DLG5: variants seen among roughly 807,000 people sequenced by gnomAD.
DLG5 encodes disks large homolog 5.
In DLG5, 48 loss-of-function variants were observed where a neutral mutation model predicts 189.8. The ratio of observed to expected loss-of-function variants is 0.25; its 90% CI spans 0.20 to 0.32. The LOEUF is 0.32. Among genes scored for constraint, DLG5 ranks in the 10% least tolerant of loss-of-function variants. The pLI, the probability that DLG5 is intolerant of heterozygous loss-of-function variation, is 1.00. For synonymous variants in DLG5, 1,016 were observed against 1,054.1 expected (o/e 0.96, Z 0.70); for missense variants, 2,160 against 2,544.7 (o/e 0.85, Z 3.25).
chr10:77,791,622 A>G lies in DLG5; in HGVS notation c.*818T>C, dbSNP rs1477985408. On this transcript the variant is annotated 3_prime_UTR_variant, in exon 32 of 32. Coordinates refer to ENST00000372391, the MANE Select transcript of DLG5 (RefSeq NM_004747.4). ...CTGTCACGACTTACAGAGCCTAAGGAGGACCCAATGGCAGGCATCAGCACA... is the reference window on the plus strand; with the variant it reads ...CTGTCACGACTTACAGAGCCTAAGGGGGACCCAATGGCAGGCATCAGCACA... 2 of 152,370 alleles carry G rather than the reference A, an allele frequency of 1.3e-5. No homozygotes were observed. The highest frequency in any genetic ancestry group is 1.5e-5 in the Non-Finnish European group (1 of 68,116). The allele number at this position is 152,370 out of a possible 1,614,324, so 9.4% of individuals were successfully genotyped here.
intron 4 of DLG5, 147 bp from the exon 5 acceptor site, chr10:77,853,684 G>T: frequency 1.2e-6 from 1 of 808,668 alleles, no homozygotes; most frequent in Non-Finnish European, 1.8e-6. Flanking sequence ...GCACTCAGAG[G>T]CAAGCCAAAA....
Position 77,843,657 on chromosome 10 carries a change from G to A in DLG5, c.914C>T (p.Thr305Met), listed in dbSNP as rs745393786. ...SSEILNKLYDTAMDKLEVVKK... is the reference protein window; with the variant it reads ...SSEILNKLYDMAMDKLEVVKK... Reference sequence around the variant, plus strand: ...GACCACCTCCAACTTGTCCATGGCCGTGTCATACAGTTTGTTGAGAATCTC... The same window carrying A: ...GACCACCTCCAACTTGTCCATGGCCATGTCATACAGTTTGTTGAGAATCTC... Residue 305 changes from threonine to methionine, a missense_variant, in exon 6 of 32, where the codon ACG becomes ATG. Transcript: ENST00000372391. 19 of 1,613,950 alleles carry A rather than the reference G, an allele frequency of 1.2e-5. No individual in the cohort carries two copies. The highest frequency in any genetic ancestry group is 2.2e-5 in the East Asian group (1 of 44,876).
intron 1 of DLG5, among the ~76,000 whole-genome samples, chr10:77,905,219 T>G (rs756539536): frequency 5.3e-5 from 8 of 151,712 alleles, no homozygotes; most frequent in Non-Finnish European, 1.0e-4. Flanking sequence ...CGGGCTGGTC[T>G]CAAACTCCTG....
chr10:77,797,971 G>A (rs1841009549), intron 27 of DLG5, among the ~76,000 whole-genome samples: 1 of 152,134 alleles, frequency 6.6e-6, no homozygotes, highest in Non-Finnish European at 1.5e-5. Flanking sequence ...TGGATCGCTT[G>A]AGGTCAAGAG....
At chr10:77,909,016 C>A (rs550682609) in intron 1 of DLG5, among the ~76,000 whole-genome samples, 10 of 152,282 alleles carry the variant, frequency 6.6e-5, no homozygotes, top group Non-Finnish European at 1.3e-4. Flanking sequence ...TATGTTCCAG[C>A]TAAAAGAACG....
At chr10:77,915,264 T>A (rs1387109483) in intron 1 of DLG5, among the ~76,000 whole-genome samples, 2 of 151,802 alleles carry the variant, frequency 1.3e-5, no homozygotes, top group Non-Finnish European at 2.9e-5. Flanking sequence ...GGGACGAAGG[T>A]TGCAGTGAAC....
chr10:77,886,401 GAC>G lies in DLG5; in HGVS notation c.305-17206_305-17205del, dbSNP rs1286551281. On this transcript the variant is annotated intron_variant, in intron 1 of 31. Transcript: ENST00000372391. ...TAATGTTGCTTTTTTTTTTTTTGGA[GAC>G]AGAGTCTCGCTCTGTCACCCAGGCT... 2.8e-5 allele frequency among the ~76,000 whole-genome samples: 4 copies of G among 145,080 alleles called. No individual in the cohort carries two copies. In the East Asian group the frequency reaches 8.1e-4, roughly 29 times the overall value.
chr10:77,930,536 CG>C (rs1242739955), upstream of DLG5, among the ~76,000 whole-genome samples: 6 of 151,146 alleles, frequency 4.0e-5, no homozygotes, highest in African/African-American at 1.5e-4. Flanking sequence ...TTAGTAGAGA[CG>C]GGGGTTTCTC....
chr10:77,846,705 A>T (rs1232634495), intron 5 of DLG5: 1 of 456,144 alleles, frequency 2.2e-6, no homozygotes, highest in Non-Finnish European at 4.4e-6. Flanking sequence ...TCAAAAAAAA[A>T]AATTACCTCA....
At chr10:77,816,777 C>A in intron 19 of DLG5, 76 bp from the exon 20 acceptor site, 1 of 1,541,512 alleles carries the variant, frequency 6.5e-7, no homozygotes, top group East Asian at 2.3e-5. Context: ...GAGGCAGGTG[C>A]GATCCAGACA....
At chr10:77,909,764 G>A (rs1301906123) in intron 1 of DLG5, among the ~76,000 whole-genome samples, 2 of 152,092 alleles carry the variant, frequency 1.3e-5, no homozygotes, top group Non-Finnish European at 2.9e-5. Flanking sequence ...TTTTTTTCAG[G>A]AGAAGGACTC....
intron 11 of DLG5, 49 bp downstream of exon 11, chr10:77,830,168 G>A (rs777556737): frequency 6.2e-7 from 1 of 1,610,968 alleles, no homozygotes; most frequent in Non-Finnish European, 8.5e-7. Context: ...CCTCTGCACT[G>A]GGAAGAAGGG....
chr10:77,811,827 T>TA (rs1841786620), intron 22 of DLG5, 97 bp downstream of exon 22: 1 of 1,454,856 alleles, frequency 6.9e-7, no homozygotes, highest in Non-Finnish European at 9.1e-7. Context: ...CCCCAGAACT[T>TA]ACGGCTGGCA....
intron 2 of DLG5, among the ~76,000 whole-genome samples, chr10:77,864,731 T>C (rs1276029890): frequency 6.6e-6 from 1 of 152,270 alleles, no homozygotes; most frequent in Non-Finnish European, 1.5e-5. Context: ...TTTTACTGGC[T>C]ATCCAGCAGC....
intron 4 of DLG5, 44 bp downstream of exon 4, chr10:77,854,183 T>C: frequency 6.2e-7 from 1 of 1,603,250 alleles, no homozygotes; most frequent in Non-Finnish European, 8.5e-7. Context: ...CAAAGGCAGC[T>C]GTCTGTGGGT....
chr10:77,909,204 CTG>C (rs1259368591), intron 1 of DLG5, among the ~76,000 whole-genome samples: 2 of 152,156 alleles, frequency 1.3e-5, no homozygotes, highest in Non-Finnish European at 2.9e-5. Context: ...GGAGAAGACA[CTG>C]TGACCAGCTC....
At chr10:77,802,275 G>A (rs1054720753) in intron 27 of DLG5, among the ~76,000 whole-genome samples, 10 of 152,312 alleles carry the variant, frequency 6.6e-5, no homozygotes, top group African/African-American at 2.4e-4. Context: ...AAGAGAGCCA[G>A]GGACCAGGAA....
intron 27 of DLG5, among the ~76,000 whole-genome samples, chr10:77,805,133 C>T (rs1211317379): frequency 6.6e-6 from 1 of 152,090 alleles, no homozygotes; most frequent in African/African-American, 2.4e-5. Context: ...CCACACCTGG[C>T]TAATTTTTGT....
chr10:77,809,097 C>G (rs1441510455), intron 24 of DLG5, among the ~76,000 whole-genome samples: 1 of 103,472 alleles, frequency 9.7e-6, no homozygotes, highest in South Asian at 3.1e-4. Flanking sequence ...AAAACTCTGT[C>G]TCAAAAAAAA....
Sources: gnomAD v4.1 joint callset for allele counts (sites outside exome capture counted in the v4.1 genomes callset) on GRCh38, gnomAD v4.1.1 for gene constraint, MANE v1.5 for transcripts, NCBI Gene and HGNC (gene_info 2026-07-23, HGNC 2026-07-21) for gene names.